Variants in NALCN observed in about 807,000 individuals in gnomAD.
NALCN encodes sodium leak channel NALCN.
Under a neutral mutation model 225.3 loss-of-function variants are expected in NALCN, and 111 were observed. That is an observed-to-expected ratio of 0.49 (90% CI 0.42 to 0.58). The LOEUF (loss-of-function observed/expected upper bound fraction) is 0.58, where lower values mean the gene tolerates loss of function less well. Among genes scored for constraint, NALCN ranks in the 20% least tolerant of loss-of-function variants. NALCN has a pLI of 0.00. For missense variants in NALCN, 1,378 were observed against 2,202.4 expected (o/e 0.63, Z 7.49); for synonymous variants, 764 against 769.0 (o/e 0.99, Z 0.11).
chr13:101,140,251 G>A (rs191700736), intron 17 of NALCN, among the ~76,000 whole-genome samples: 10 of 152,210 alleles, frequency 6.6e-5, no homozygotes, highest in East Asian at 1.9e-4. Context: ...GGTTCGCTTC[G>A]GGCGGGCGCA....
chr13:101,164,026 C>A (rs1291765375), intron 15 of NALCN, among the ~76,000 whole-genome samples: 2 of 152,076 alleles, frequency 1.3e-5, no homozygotes, highest in African/African-American at 4.8e-5. Flanking sequence ...TGTCTCTTCT[C>A]TTTTTATGAG....
chr13:101,331,804 T>G (rs952046298), intron 7 of NALCN, among the ~76,000 whole-genome samples: 6 of 152,182 alleles, frequency 3.9e-5, no homozygotes, highest in African/African-American at 7.2e-5. Flanking sequence ...ATTTTCTGTA[T>G]GGGCAACATA....
chr13:101,068,722 C>T lies in NALCN; in HGVS notation c.4303G>A (p.Ala1435Thr). ...ACAAGCAGATTTAGCATGATGTAGGCAATGATGACATAAAATGAACAGAAA... is the reference window on the plus strand; with the variant it reads ...ACAAGCAGATTTAGCATGATGTAGGTAATGATGACATAAAATGAACAGAAA... ...MYFCSFYVII[A>T]YIMLNLLVAI... Residue 1435 changes from alanine (A) to threonine (T), a missense_variant, in exon 38 of 44, where the codon GCC becomes ACC. Ala to Thr is a moderately conservative substitution (Grantham distance 58). Coordinates refer to ENST00000251127, the MANE Select transcript of NALCN (RefSeq NM_052867.4). The T allele has an allele frequency of 6.2e-7, 1 of 1,610,344 alleles. No individual in the cohort carries two copies. The highest frequency in any genetic ancestry group is 8.5e-7 in the Non-Finnish European group (1 of 1,178,528).
rs1441328101 is a variant in NALCN at position 101,104,504 on chromosome 13, T to A, written c.2757+26A>T. ...AGTATTTTACCTCCTAGTTGTAAGC[T>A]GAGATTTTGCAGCGGTAAGCGGTAC... is the stretch of plus-strand genomic sequence containing the variant. On this transcript the variant is annotated intron_variant, in intron 24 of 43. Coordinates refer to ENST00000251127, the MANE Select transcript of NALCN (RefSeq NM_052867.4). The surrounding 1 kb of genome is among the most constrained non-coding windows in gnomAD (Gnocchi z 4.2). The A allele has an allele frequency of 4.3e-6, 7 of 1,613,702 alleles. No individual in the cohort carries two copies. Among genetic ancestry groups the A allele is most frequent in the African/African-American group, 1.3e-5 (1 of 75,022 alleles).
chr13:101,129,828 C>A (rs113632637), intron 17 of NALCN, among the ~76,000 whole-genome samples: 2 of 151,726 alleles, frequency 1.3e-5, no homozygotes, highest in African/African-American at 4.8e-5. Flanking sequence ...CCCATCAACC[C>A]GTCATCTACA....
At chr13:101,117,706 T>C (rs1468967979) in intron 18 of NALCN, among the ~76,000 whole-genome samples, 1 of 152,198 alleles carries the variant, frequency 6.6e-6, no homozygotes, top group African/African-American at 2.4e-5. Flanking sequence ...TAATTTCCTT[T>C]CCATGCTGAA....
intron 14 of NALCN, among the ~76,000 whole-genome samples, chr13:101,187,620 G>A (rs1308076226): frequency 2.0e-5 from 3 of 152,272 alleles, no homozygotes; most frequent in African/African-American, 4.8e-5. Flanking sequence ...AATAAACATA[G>A]TAAGAGGTGC....
chr13:101,140,301 C>T (rs1162048095), intron 17 of NALCN, among the ~76,000 whole-genome samples: 2 of 152,158 alleles, frequency 1.3e-5, no homozygotes, highest in African/African-American at 4.8e-5. Flanking sequence ...TCCTCCTCAG[C>T]CCGGCACATG....
At chr13:101,249,612 CTAT>C (rs2042002530) in intron 11 of NALCN, among the ~76,000 whole-genome samples, 1 of 152,068 alleles carries the variant, frequency 6.6e-6, no homozygotes, top group Non-Finnish European at 1.5e-5. Context: ...ATCAAAATAT[CTAT>C]TATTCTAATA....
At chr13:101,284,386 A>G (rs1045422508) in intron 9 of NALCN, among the ~76,000 whole-genome samples, 2 of 152,318 alleles carry the variant, frequency 1.3e-5, no homozygotes, top group African/African-American at 4.8e-5. Flanking sequence ...ATTTAAAAGC[A>G]TTGTGTCTGG....
At chr13:101,276,055 TC>T (rs2138963208) in intron 10 of NALCN, among the ~76,000 whole-genome samples, 1 of 102,112 alleles carries the variant, frequency 9.8e-6, no homozygotes, top group South Asian at 3.9e-4. Context: ...AGAGCGAGAC[TC>T]CTTCTCAAAA....
intron 17 of NALCN, among the ~76,000 whole-genome samples, chr13:101,133,299 A>C (rs1226310470): frequency 6.6e-6 from 1 of 152,134 alleles, no homozygotes; most frequent in Non-Finnish European, 1.5e-5. Flanking sequence ...TTAACAATAC[A>C]TTTCTGTTTC....
intron 7 of NALCN, among the ~76,000 whole-genome samples, chr13:101,327,395 A>G (rs2045000008): frequency 6.7e-6 from 1 of 149,480 alleles, no homozygotes; most frequent in Non-Finnish European, 1.5e-5. Flanking sequence ...GGGGGGGATG[A>G]TATTTAGTAT....
At chr13:101,161,914 G>A (rs764273129) in intron 15 of NALCN, among the ~76,000 whole-genome samples, 16 of 152,034 alleles carry the variant, frequency 1.1e-4, no homozygotes, top group Non-Finnish European at 2.1e-4. Context: ...TGACCTTACC[G>A]TGTTTCTCAA....
In NALCN at chr13:101,292,747, C is replaced by G. The variant is rs1440429757; in HGVS notation, c.800-381G>C. 6.6e-5 allele frequency among the ~76,000 whole-genome samples: 10 copies of G among 152,088 alleles called. No homozygotes were observed. The highest frequency in any genetic ancestry group is 1.2e-4 in the Non-Finnish European group (8 of 68,022). ...AACACATTCAATAAGCTGAAAAGCA[C>G]CTGCTATAGTTTTAACCAAAATGAA... On this transcript the variant is annotated intron_variant, in intron 7 of 43. Transcript: ENST00000251127. This position sits in a 1 kb window ranked among gnomAD's most constrained non-coding sequence, Gnocchi z 4.3.
In NALCN at chr13:101,258,442, C is replaced by T; in HGVS notation, c.1266+1G>A. On this transcript the variant is annotated splice_donor_variant, in intron 11 of 43. Transcript: ENST00000251127. LOFTEE classifies it high-confidence loss of function. ...GATCTGCACGGTGGAGAGCTGCTTA[C>T]CTCCGCCAGGTAGAACTCGTCGTAC... 6.2e-7 allele frequency: 1 copy of T among 1,614,092 alleles called. No individual in the cohort carries two copies. The highest frequency in any genetic ancestry group is 8.5e-7 in the Non-Finnish European group (1 of 1,179,996).
chr13:101,114,810 A>C (rs7323036), intron 18 of NALCN, among the ~76,000 whole-genome samples: 16,812 of 152,202 alleles, frequency 0.11, 3,146 homozygotes, highest in African/African-American at 0.38. Context: ...TAAAAAGACT[A>C]AGCCTAACGA....
At position 101,171,828 on chromosome 13, in the gene NALCN, C is replaced by T. The variant is rs137929999; in HGVS notation, c.1839+4472G>A. ...CCTCTGGATTCTAAAACCCAAACTT[C>T]TTTCCTGCCAAAATGCCTCGATTAA... On this transcript the variant is annotated intron_variant, in intron 15 of 43. Coordinates refer to ENST00000251127, the MANE Select transcript of NALCN (RefSeq NM_052867.4). 2.7e-3 allele frequency among the ~76,000 whole-genome samples: 412 copies of T among 152,306 alleles called. 3 individuals are homozygous for T. Among genetic ancestry groups the T allele is most frequent in the Non-Finnish European group, 3.6e-3 (245 of 68,018 alleles).
intron 11 of NALCN, among the ~76,000 whole-genome samples, chr13:101,240,087 T>C (rs1451942290): frequency 2.0e-5 from 3 of 152,076 alleles, no homozygotes; most frequent in Admixed American, 2.0e-4. Context: ...ACTGCAAACA[T>C]TTTTTCCCTA....
Sources: gnomAD v4.1 joint callset for allele counts (sites outside exome capture counted in the v4.1 genomes callset) on GRCh38, gnomAD v4.1.1 for gene constraint, Gnocchi (gnomAD v3.1) non-coding constraint, MANE v1.5 for transcripts, NCBI Gene and HGNC (gene_info 2026-07-23, HGNC 2026-07-21) for gene names.